Variants in NRXN1 observed in about 807,000 individuals in gnomAD.
NRXN1 encodes neurexin 1.
NRXN1 carries 39 observed loss-of-function variants against 150.9 expected under a neutral mutation model. The observed-to-expected ratio is 0.26, with a 90% CI of 0.20 to 0.34. The LOEUF (loss-of-function observed/expected upper bound fraction) is 0.34. Ranked by LOEUF, NRXN1 falls within the 10% of genes least tolerant of loss-of-function variation. The pLI, the probability that NRXN1 is intolerant of heterozygous loss-of-function variation, is 1.00. For synonymous variants in NRXN1, 924 were observed against 757.0 expected (o/e 1.22, Z -3.62); for missense variants, 1,815 against 1,949.9 (o/e 0.93, Z 1.30).
intron 5 of NRXN1, among the ~76,000 whole-genome samples, chr2:50,879,182 T>C (rs1399326151): frequency 1.3e-5 from 2 of 151,904 alleles, no homozygotes; most frequent in Non-Finnish European, 2.9e-5. Flanking sequence ...GGGATTCTGC[T>C]TCTAGACTGC....
intron 21 of NRXN1, among the ~76,000 whole-genome samples, chr2:49,975,201 G>A (rs1015951167): frequency 2.6e-5 from 4 of 151,590 alleles, no homozygotes; most frequent in South Asian, 2.1e-4. Flanking sequence ...ACAGTATCAC[G>A]GAGATTTTTT....
intron 2 of NRXN1, among the ~76,000 whole-genome samples, chr2:51,005,297 T>C (rs995308870): frequency 2.6e-5 from 4 of 152,016 alleles, no homozygotes; most frequent in African/African-American, 7.2e-5. Context: ...CATTTTTGAA[T>C]TGACATATAA....
At chr2:50,942,081 G>A (rs1308655593) in intron 2 of NRXN1, among the ~76,000 whole-genome samples, 2 of 152,190 alleles carry the variant, frequency 1.3e-5, no homozygotes, top group Non-Finnish European at 2.9e-5. Context: ...TGGCTAAAAG[G>A]GGAGAAGGCA....
chr2:50,915,814 C>T (rs759479448), intron 5 of NRXN1, among the ~76,000 whole-genome samples: 14 of 150,832 alleles, frequency 9.3e-5, no homozygotes, highest in Non-Finnish European at 1.9e-4. Context: ...CTCCTCTATG[C>T]ACTTTTGCAA....
intron 19 of NRXN1, among the ~76,000 whole-genome samples, chr2:50,089,201 T>C (rs1284391088): frequency 6.6e-6 from 1 of 152,206 alleles, no homozygotes; most frequent in Non-Finnish European, 1.5e-5. Flanking sequence ...TGTTAAAAGT[T>C]ACTAAATAAA....
intron 18 of NRXN1, among the ~76,000 whole-genome samples, chr2:50,100,389 A>G (rs1275081908): frequency 2.0e-5 from 3 of 152,058 alleles, no homozygotes; most frequent in African/African-American, 7.2e-5. Flanking sequence ...CTATTTCCTC[A>G]TTGTCTCTCC....
At chr2:50,521,121 T>G (rs1285321408) in intron 12 of NRXN1, among the ~76,000 whole-genome samples, 1 of 152,176 alleles carries the variant, frequency 6.6e-6, no homozygotes, top group African/African-American at 2.4e-5. Flanking sequence ...TCTCCATGTA[T>G]TTGAAAATTT....
intron 21 of NRXN1, among the ~76,000 whole-genome samples, chr2:49,978,391 G>T (rs1024851133): frequency 2.6e-5 from 4 of 152,166 alleles, no homozygotes; most frequent in African/African-American, 9.7e-5. Flanking sequence ...TATGTCTGCA[G>T]TTCTTGTCCT....
Position 50,795,471 on chromosome 2 carries a change from C to CA in NRXN1, c.832+126397dup, listed in dbSNP as rs1414977729. Among the ~76,000 whole-genome samples the CA allele has an allele frequency of 3.3e-5, 5 of 152,144 alleles. No individual in the cohort carries two copies. The East Asian group carries it at 9.6e-4, about 29-fold the overall frequency. Reference sequence around the variant, plus strand: ...CAATCCACTCCAACCTGGAAGATTGCATTTTCTTTCCTTCTTTTCTTGCCT... The same window carrying CA: ...CAATCCACTCCAACCTGGAAGATTGCAATTTTCTTTCCTTCTTTTCTTGCCT... On this transcript the variant is annotated intron_variant, in intron 5 of 22. Transcript: ENST00000401669.
At chr2:50,330,718 A>C (rs971184563) in intron 17 of NRXN1, among the ~76,000 whole-genome samples, 1 of 152,242 alleles carries the variant, frequency 6.6e-6, no homozygotes, top group Non-Finnish European at 1.5e-5. Context: ...TATAAGTGGA[A>C]AACTTGTTCA....
chr2:50,929,100 A>G (rs2104370597), intron 2 of NRXN1, among the ~76,000 whole-genome samples: 1 of 152,170 alleles, frequency 6.6e-6, no homozygotes, highest in East Asian at 1.9e-4. Context: ...AGCCTGTTTT[A>G]AAATCACTGT....
intron 5 of NRXN1, among the ~76,000 whole-genome samples, chr2:50,678,883 C>G (rs190641721): frequency 6.6e-6 from 1 of 151,914 alleles, no homozygotes; most frequent in African/African-American, 2.4e-5. Flanking sequence ...TGGTTTTAGA[C>G]CCTAAAGAGA....
chr2:51,024,025 T>C (rs1393304109), intron 2 of NRXN1, among the ~76,000 whole-genome samples: 2 of 152,240 alleles, frequency 1.3e-5, no homozygotes, highest in African/African-American at 4.8e-5. Context: ...CCTGGGGATC[T>C]GGAAATCATG....
chr2:50,121,337 C>CTCAT, intron 18 of NRXN1, among the ~76,000 whole-genome samples: 1 of 152,236 alleles, frequency 6.6e-6, no homozygotes, highest in Middle Eastern at 3.4e-3. Context: ...CTTATTTCAC[C>CTCAT]TCATTTAATC....
chr2:50,168,015 T>C (rs2059791377), intron 18 of NRXN1, among the ~76,000 whole-genome samples: 1 of 149,750 alleles, frequency 6.7e-6, no homozygotes, highest in Non-Finnish European at 1.5e-5. Context: ...TATTTCAAGG[T>C]TTGCATTTTT....
At chr2:50,922,133 C>A (rs2104284626) in intron 4 of NRXN1, among the ~76,000 whole-genome samples, 1 of 151,958 alleles carries the variant, frequency 6.6e-6, no homozygotes, top group Non-Finnish European at 1.5e-5. Context: ...TAAAAGATCA[C>A]ACAAAAGAGA....
chr2:50,907,355 C>A (rs1683862435), intron 5 of NRXN1, among the ~76,000 whole-genome samples: 1 of 152,016 alleles, frequency 6.6e-6, no homozygotes, highest in Non-Finnish European at 1.5e-5. Context: ...GTCTTCAACT[C>A]TGAAAGTGCC....
At chr2:50,918,437 A>T in intron 5 of NRXN1, 2 of 328,270 alleles carry the variant, frequency 6.1e-6, no homozygotes, top group East Asian at 8.1e-5. Flanking sequence ...ATTAAGTATA[A>T]TCACAAATAC....
At chr2:49,972,284 A>G (rs547002179) in intron 21 of NRXN1, among the ~76,000 whole-genome samples, 172 of 152,268 alleles carry the variant, frequency 1.1e-3, no homozygotes, top group African/African-American at 3.8e-3. Context: ...GAGGCTGCTG[A>G]GAGATTAATT....
Sources: gnomAD v4.1 joint callset for allele counts (sites outside exome capture counted in the v4.1 genomes callset) on GRCh38, gnomAD v4.1.1 for gene constraint, MANE v1.5 for transcripts, NCBI Gene and HGNC (gene_info 2026-07-23, HGNC 2026-07-21) for gene names.